Variants in TRDN observed in about 807,000 individuals in gnomAD.
TRDN encodes the protein triadin in skeletal muscle.
Under a neutral mutation model 149.7 loss-of-function variants are expected in TRDN, and 161 were observed. That is an observed-to-expected ratio of 1.08 (90% confidence interval 0.95 to 1.23). The LOEUF (loss-of-function observed/expected upper bound fraction) is 1.23. TRDN is among the 50% of genes most tolerant of loss of function. TRDN has a pLI of 0.00. For missense variants in TRDN, 896 were observed against 823.5 expected, an observed-to-expected ratio of 1.09 and a Z score of -1.08; for synonymous variants, 294 against 250.5, an observed-to-expected ratio of 1.17 and a Z score of -1.64.
intron 12 of TRDN, among the ~76,000 whole-genome samples, chr6:123,422,712 C>T (rs1400038223): frequency 6.6e-6 from 1 of 152,022 alleles, no homozygotes; most frequent in Non-Finnish European, 1.5e-5. Context: ...TAATTTAGGT[C>T]AAAGTGGTTA....
intron 38 of TRDN, among the ~76,000 whole-genome samples, chr6:123,235,727 C>T (rs533814073): frequency 6.6e-6 from 1 of 152,228 alleles, no homozygotes; most frequent in African/African-American, 2.4e-5. Flanking sequence ...GTGACACTCC[C>T]CCTCTGTCCC....
chr6:123,264,555 A>G (rs780420399), intron 33 of TRDN, among the ~76,000 whole-genome samples: 20 of 152,122 alleles, frequency 1.3e-4, no homozygotes, highest in Non-Finnish European at 1.9e-4. Context: ...AGAACATTCC[A>G]TAAACTTAGT....
chr6:123,503,524 A>T, intron 8 of TRDN, 195 bp downstream of exon 8: 3 of 1,418,998 alleles, frequency 2.1e-6, no homozygotes, highest in Non-Finnish European at 2.7e-6. Context: ...AGATCTGTGA[A>T]CACATTTTAG....
intron 24 of TRDN, among the ~76,000 whole-genome samples, chr6:123,283,331 A>C (rs1264484782): frequency 6.6e-6 from 1 of 151,882 alleles, no homozygotes; most frequent in Admixed American, 6.6e-5. Flanking sequence ...CTAAGAGGAA[A>C]ATTCATAGCC....
At chr6:123,604,675 A>C (rs77782968) in intron 1 of TRDN, among the ~76,000 whole-genome samples, 1,836 of 152,252 alleles carry the variant, frequency 0.012, 35 homozygotes, top group African/African-American at 0.042. Flanking sequence ...AAGAGATGGA[A>C]TTTTAAAATA....
At chr6:123,260,517 T>C in intron 34 of TRDN, 95 bp downstream of exon 34, 1 of 1,303,290 alleles carries the variant, frequency 7.7e-7, no homozygotes, top group Non-Finnish European at 1.0e-6. Context: ...TTTGAGCAGC[T>C]AAGGGATTTT....
chr6:123,582,851 T>C (rs1356926529), intron 1 of TRDN, among the ~76,000 whole-genome samples: 1 of 47,614 alleles, frequency 2.1e-5, no homozygotes, highest in Non-Finnish European at 3.6e-5. Context: ...TCAGGGCTGC[T>C]TTGAGTGGGA....
chr6:123,529,170 C>A (rs1780092701), intron 5 of TRDN: 3 of 1,542,396 alleles, frequency 1.9e-6, no homozygotes, highest in African/African-American at 1.4e-5. Flanking sequence ...AAGAAAAAAA[C>A]AGCAGGGACC....
At chr6:123,337,725 G>C in intron 21 of TRDN, 56 bp from the exon 22 acceptor site, 2 of 1,056,780 alleles carry the variant, frequency 1.9e-6, no homozygotes, top group African/African-American at 1.6e-5. Context: ...GGAAAAAAAT[G>C]CAAGTCTCTT....
chr6:123,581,547 A>C (rs987256421), intron 1 of TRDN, among the ~76,000 whole-genome samples: 1 of 152,206 alleles, frequency 6.6e-6, no homozygotes, highest in Non-Finnish European at 1.5e-5. Context: ...AATAACCTCA[A>C]TATTTCTGCA....
chr6:123,428,519 G>C (rs1774214287), intron 12 of TRDN, among the ~76,000 whole-genome samples: 1 of 152,188 alleles, frequency 6.6e-6, no homozygotes, highest in South Asian at 2.1e-4. Flanking sequence ...CTCAAAGCCA[G>C]TTTACTCCAG....
intron 20 of TRDN, among the ~76,000 whole-genome samples, chr6:123,356,799 C>T (rs1025288418): frequency 2.7e-5 from 4 of 150,622 alleles, no homozygotes; most frequent in Non-Finnish European, 5.9e-5. Context: ...TTTTTATTTG[C>T]TTATTATCTA....
intron 10 of TRDN, 89 bp downstream of exon 10, chr6:123,464,817 G>C: frequency 1.3e-6 from 2 of 1,515,454 alleles, no homozygotes. Context: ...GGATTTTGCT[G>C]TTTCTTTGTG....
intron 9 of TRDN, among the ~76,000 whole-genome samples, chr6:123,480,137 T>G (rs780929568): frequency 4.1e-4 from 62 of 152,056 alleles, no homozygotes; most frequent in Non-Finnish European, 8.5e-4. Context: ...AGAAATCCAT[T>G]TTTCTTTATG....
At chr6:123,449,034 C>T (rs9490758) in intron 10 of TRDN, among the ~76,000 whole-genome samples, 22,931 of 151,952 alleles carry the variant, frequency 0.15, 2,244 homozygotes, top group African/African-American at 0.28. Flanking sequence ...AGTACTACAT[C>T]AAGAGAACAC....
At chr6:123,594,077 G>A (rs1264760983) in intron 1 of TRDN, among the ~76,000 whole-genome samples, 3 of 152,092 alleles carry the variant, frequency 2.0e-5, no homozygotes, top group Admixed American at 1.3e-4. Flanking sequence ...TTTAAAAGAT[G>A]TATGCATGTG....
chr6:123,487,460 A>G (rs1409300189), intron 9 of TRDN, among the ~76,000 whole-genome samples: 1 of 152,094 alleles, frequency 6.6e-6, no homozygotes, highest in East Asian at 1.9e-4. Flanking sequence ...CTTCAATTCT[A>G]TGCTTTAGAC....
chr6:123,553,695 G>A (rs1177796093), intron 2 of TRDN, among the ~76,000 whole-genome samples: 1 of 152,138 alleles, frequency 6.6e-6, no homozygotes, highest in Admixed American at 6.5e-5. Context: ...CTTACATGGT[G>A]GCCAGCAAAA....
At chr6:123,556,560 GTCTC>G (rs1001459136) in intron 2 of TRDN, among the ~76,000 whole-genome samples, 12 of 150,774 alleles carry the variant, frequency 8.0e-5, no homozygotes, top group African/African-American at 2.2e-4. Context: ...TTCCTGTTCA[GTCTC>G]TCTTTCTCTA....
Sources: gnomAD v4.1 joint callset for allele counts (sites outside exome capture counted in the v4.1 genomes callset) on GRCh38, gnomAD v4.1.1 for gene constraint, MANE v1.5 for transcripts, NCBI Gene and HGNC (gene_info 2026-07-23, HGNC 2026-07-21) for gene names.